Variants in SMAD1 observed in about 807,000 individuals in gnomAD.
The protein encoded by SMAD1 is SMAD family member 1, also known as MAD, mothers against decapentaplegic homolog 1.
Under a neutral mutation model 41.6 loss-of-function variants are expected in SMAD1, and 6 were observed. The observed-to-expected ratio is 0.14, with a 90% CI of 0.08 to 0.28. The LOEUF (loss-of-function observed/expected upper bound fraction) is 0.28, where lower values mean the gene tolerates loss of function less well. SMAD1 is among the 10% of genes least tolerant of loss of function. SMAD1 has a pLI of 1.00. For missense variants in SMAD1, 379 were observed against 582.6 expected, an observed-to-expected ratio of 0.65 and a Z score of 3.60; for synonymous variants, 206 against 203.2, an observed-to-expected ratio of 1.01 and a Z score of -0.12.
intron 2 of SMAD1, 121 bp downstream of exon 2, chr4:145,515,134 CTGTGTGTGTG>C (rs377610507): frequency 1.8e-3 from 976 of 535,666 alleles, no homozygotes; most frequent in African/African-American, 0.013. Flanking sequence ...TTTGGGGAAA[CTGTGTGTGTG>C]TGTGTGTGTG....
chr4:145,509,790 A>G (rs1729979429), intron 1 of SMAD1, among the ~76,000 whole-genome samples: 1 of 152,204 alleles, frequency 6.6e-6, no homozygotes, highest in Non-Finnish European at 1.5e-5. Context: ...TTAATGTTAA[A>G]TGAAAATAAT....
intron 1 of SMAD1, among the ~76,000 whole-genome samples, chr4:145,493,774 C>T (rs1728904348): frequency 6.6e-6 from 1 of 152,200 alleles, no homozygotes; most frequent in Admixed American, 6.5e-5. Context: ...GCATCCAGCA[C>T]TGGACTATGT....
intron 6 of SMAD1, among the ~76,000 whole-genome samples, chr4:145,557,135 G>A (rs1732886034): frequency 6.6e-6 from 1 of 152,174 alleles, no homozygotes. Flanking sequence ...CTTTGCAGTA[G>A]CAGTTACTTT....
At chr4:145,549,407 A>G (rs1480400447) in intron 5 of SMAD1, among the ~76,000 whole-genome samples, 1 of 152,180 alleles carries the variant, frequency 6.6e-6, no homozygotes, top group East Asian at 1.9e-4. Flanking sequence ...ATACCTGTCT[A>G]CTCACCATCT....
At chr4:145,516,941 G>A (rs1205680829) in intron 2 of SMAD1, 1 of 152,072 alleles carries the variant, frequency 6.6e-6, no homozygotes, top group Non-Finnish European at 1.5e-5. Flanking sequence ...TGACATGAAA[G>A]GCAAAATTCA....
intron 2 of SMAD1, among the ~76,000 whole-genome samples, chr4:145,530,662 A>G (rs555747635): frequency 7.9e-5 from 12 of 151,812 alleles, no homozygotes; most frequent in African/African-American, 2.2e-4. Flanking sequence ...TTGAGTAACT[A>G]TACTCCCAGA....
intron 2 of SMAD1, among the ~76,000 whole-genome samples, chr4:145,529,190 G>A (rs1731191867): frequency 6.6e-6 from 1 of 152,144 alleles, no homozygotes; most frequent in Non-Finnish European, 1.5e-5. Flanking sequence ...GCTTCTGACT[G>A]TTACTATACT....
chr4:145,517,558 A>G (rs1730486282), intron 2 of SMAD1, among the ~76,000 whole-genome samples: 1 of 152,166 alleles, frequency 6.6e-6, no homozygotes. Flanking sequence ...GGCAGGGACT[A>G]TGTGTATAAT....
intron 6 of SMAD1, among the ~76,000 whole-genome samples, chr4:145,556,384 A>C (rs956278347): frequency 6.6e-6 from 1 of 152,070 alleles, no homozygotes; most frequent in African/African-American, 2.4e-5. Flanking sequence ...ACATACATCT[A>C]TGTAGATATA....
chr4:145,507,177 T>G (rs1490256706), intron 1 of SMAD1, among the ~76,000 whole-genome samples: 1 of 148,362 alleles, frequency 6.7e-6, no homozygotes, highest in Non-Finnish European at 1.5e-5. Context: ...TTTTGTGGGT[T>G]TTTTTTTTTT....
At chr4:145,504,578 G>A (rs918315615) in intron 1 of SMAD1, among the ~76,000 whole-genome samples, 2 of 152,072 alleles carry the variant, frequency 1.3e-5, no homozygotes, top group African/African-American at 4.8e-5. Flanking sequence ...TTCATTTTTA[G>A]GGGTACTGTT....
At chr4:145,499,394 G>A (rs778467183) in intron 1 of SMAD1, among the ~76,000 whole-genome samples, 21 of 152,198 alleles carry the variant, frequency 1.4e-4, no homozygotes, top group Admixed American at 1.0e-3. Flanking sequence ...AGGCTGAAGC[G>A]GTGGATCACT....
chr4:145,490,715 A>T (rs1203841361), intron 1 of SMAD1, among the ~76,000 whole-genome samples: 1 of 152,214 alleles, frequency 6.6e-6, no homozygotes, highest in Non-Finnish European at 1.5e-5. Flanking sequence ...AAGTAGTGAA[A>T]TATCAAGTTT....
intron 6 of SMAD1, 116 bp downstream of exon 6, chr4:145,554,156 C>A: frequency 1.0e-6 from 1 of 962,210 alleles, no homozygotes; most frequent in Non-Finnish European, 1.5e-6. Flanking sequence ...ATCATATTAG[C>A]TGACTTATTA....
intron 6 of SMAD1, 88 bp downstream of exon 6, chr4:145,554,128 T>G: frequency 2.5e-6 from 3 of 1,188,672 alleles, no homozygotes; most frequent in Non-Finnish European, 2.4e-6. Flanking sequence ...TGAATCTATA[T>G]CCTCTTGATA....
intron 2 of SMAD1, among the ~76,000 whole-genome samples, chr4:145,517,310 T>A (rs1393400847): frequency 6.6e-6 from 1 of 152,220 alleles, no homozygotes; most frequent in African/African-American, 2.4e-5. Flanking sequence ...CACTCTTATT[T>A]ATCGTTTGTG....
At chr4:145,489,229 A>G (rs1379052434) in intron 1 of SMAD1, among the ~76,000 whole-genome samples, 1 of 152,210 alleles carries the variant, frequency 6.6e-6, no homozygotes, top group Non-Finnish European at 1.5e-5. Context: ...GGTGTTCCTC[A>G]TGGAGCCTAG....
At chr4:145,554,210 A>G (rs1489348094) in intron 6 of SMAD1, among the ~76,000 whole-genome samples, 170 bp downstream of exon 6, 1 of 152,026 alleles carries the variant, frequency 6.6e-6, no homozygotes, top group African/African-American at 2.4e-5. Context: ...ATTATTAGGA[A>G]AATATCATTG....
Position 145,557,788 on chromosome 4 carries a change from T to G in SMAD1, c.1255-3T>G. ...TAAATGACCTCCAGTATGTTTTTCCTAGGGCTGGGGAGCAGAATACCACCG... is the reference window on the plus strand; with the variant it reads ...TAAATGACCTCCAGTATGTTTTTCCGAGGGCTGGGGAGCAGAATACCACCG... On this transcript the variant is annotated splice_region_variant and splice_polypyrimidine_tract_variant and intron_variant, in intron 6 of 6. Coordinates refer to ENST00000302085, the MANE Select transcript of SMAD1 (RefSeq NM_005900.3). 6.2e-7 allele frequency: 1 copy of G among 1,601,332 alleles called. No individual in the cohort carries two copies. Among genetic ancestry groups the G allele is most frequent in the Non-Finnish European group, 8.5e-7 (1 of 1,172,964 alleles).
Sources: gnomAD v4.1 joint callset for allele counts (sites outside exome capture counted in the v4.1 genomes callset) on GRCh38, gnomAD v4.1.1 for gene constraint, MANE v1.5 for transcripts, NCBI Gene and HGNC (gene_info 2026-07-23, HGNC 2026-07-21) for gene names.